Variants in DENND4C observed in about 807,000 individuals in gnomAD.
The protein encoded by DENND4C is DENN domain containing 4C, also known as DENN domain-containing protein 4C.
A neutral mutation model predicts 203.0 loss-of-function variants in DENND4C; 108 were observed. The ratio of observed to expected loss-of-function variants is 0.53; its 90% CI spans 0.46 to 0.62. The LOEUF is 0.62. Ranked by LOEUF, DENND4C falls within the 20% of genes least tolerant of loss-of-function variation. The pLI, the probability that DENND4C is intolerant of heterozygous loss-of-function variation, is 0.00. For synonymous variants in DENND4C, 871 were observed against 792.4 expected (o/e 1.10, Z -1.67); for missense variants, 2,481 against 2,301.2 (o/e 1.08, Z -1.60).
Position 19,286,895 on chromosome 9 carries a change from A to G in DENND4C, c.432A>G (p.Arg144=), listed in dbSNP as rs1277142628. The change falls in exon 3 of 33, where the codon CGA becomes CGG. Residue 144 remains arginine (R), a synonymous_variant. Coordinates refer to ENST00000434457, the MANE Select transcript of DENND4C (RefSeq NM_001330640.2). ...CACAAAGAATCTTTATCACTTATCG[A>G]AGGGCTCCTCCAGTTCGACCCCAGA... ...TTSQRIFITY[R]RAPPVRPQNS... is the part of the protein sequence containing the mutation. 8.1e-7 allele frequency: 1 copy of G among 1,231,984 alleles called. No individual in the cohort carries two copies. The highest frequency in any genetic ancestry group is 1.6e-5 in the African/African-American group (1 of 64,392). The allele number at this position is 1,231,984 out of a possible 1,614,324, so 76.3% of individuals were successfully genotyped here. A position where few individuals can be genotyped will look rare whatever the true frequency, so the allele number is the denominator to read the frequency against.
At chr9:19,262,076 C>CTTTTTTTTTTTTTTTTTT (rs60223074) in intron 1 of DENND4C, among the ~76,000 whole-genome samples, 2 of 55,526 alleles carry the variant, frequency 3.6e-5, no homozygotes, top group Non-Finnish European at 6.9e-5. Flanking sequence ...TTTATTAGTT[C>CTTTTTTTTTTTTTTTTTT]TTTTTTTTTT....
chr9:19,298,056 G>A lies in DENND4C; in HGVS notation c.1041G>A (p.Lys347=). The change falls in exon 7 of 33, where the codon AAG becomes AAA. Residue 347 remains lysine, a splice_region_variant and synonymous_variant. Transcript: ENST00000434457. ...VSGPHPLPIE[K]HISHFMQNIP... is the part of the protein sequence containing the mutation. ...ATTTATTTCAAATTTTTTTTTCTAGGCACATTTCACATTTTATGCAAAACA... is the reference window on the plus strand; with the variant it reads ...ATTTATTTCAAATTTTTTTTTCTAGACACATTTCACATTTTATGCAAAACA... The A allele has an allele frequency of 1.2e-6, 2 of 1,603,592 alleles. No homozygotes were observed. The highest frequency in any genetic ancestry group is 2.3e-5 in the South Asian group (2 of 88,038).
In DENND4C at chr9:19,350,681, AT is replaced by A. The variant is rs759780370; in HGVS notation, c.4318-10del. 7,562 of 1,251,980 alleles carry A rather than the reference AT, an allele frequency of 6.0e-3. 3 individuals are homozygous for A. The highest frequency in any genetic ancestry group is 0.014 in the African/African-American group (905 of 65,566). The allele number at this position is 1,251,980 out of a possible 1,614,324, so 77.6% of individuals were successfully genotyped here. ...AGAAGGTATTATTTATGTATGTGGA[AT>A]TTTTTTTTTTCAATTAAAGGAAGAA... On this transcript the variant is annotated intron_variant, in intron 23 of 32. Transcript: ENST00000434457.
chr9:19,324,314 C>A, intron 12 of DENND4C, 48 bp from the exon 13 acceptor site: 1 of 1,426,712 alleles, frequency 7.0e-7, no homozygotes, highest in Middle Eastern at 2.0e-4. Flanking sequence ...CCTATAATAT[C>A]GAATTCCAGT....
chr9:19,289,261 G>A (rs1159837427), intron 4 of DENND4C, among the ~76,000 whole-genome samples: 5 of 152,084 alleles, frequency 3.3e-5, no homozygotes, highest in African/African-American at 1.2e-4. Flanking sequence ...TCATTCCACT[G>A]GTATGGTGGG....
chr9:19,303,074 A>C (rs1838925725), intron 9 of DENND4C, among the ~76,000 whole-genome samples: 1 of 151,898 alleles, frequency 6.6e-6, no homozygotes, highest in Non-Finnish European at 1.5e-5. Context: ...GCTTGGAAAG[A>C]AGTGCTTTGG....
intron 10 of DENND4C, among the ~76,000 whole-genome samples, chr9:19,314,181 G>A (rs1238736253): frequency 1.3e-5 from 2 of 152,128 alleles, no homozygotes; most frequent in African/African-American, 2.4e-5. Flanking sequence ...GAGGCCAGGC[G>A]CAGTGGCTCA....
intron 1 of DENND4C, among the ~76,000 whole-genome samples, chr9:19,246,913 A>G (rs1825416854): frequency 6.6e-6 from 1 of 152,202 alleles, no homozygotes; most frequent in African/African-American, 2.4e-5. Flanking sequence ...TCTCATTTAT[A>G]GCAAAATTTG....
intron 24 of DENND4C, 49 bp downstream of exon 24, chr9:19,350,928 C>CTTT: frequency 8.1e-7 from 1 of 1,236,144 alleles, no homozygotes; most frequent in Non-Finnish European, 1.1e-6. Flanking sequence ...ATAGTTTTTG[C>CTTT]TTTTTTTTTT....
In DENND4C at chr9:19,358,345, TCCC is replaced by T. The variant is rs1007710109; in HGVS notation, c.5160+188_5160+190del. On this transcript the variant is annotated intron_variant, in intron 28 of 32. Coordinates refer to ENST00000434457, the MANE Select transcript of DENND4C (RefSeq NM_001330640.2). This position sits in a 1 kb window ranked among gnomAD's most constrained non-coding sequence, Gnocchi z 4.8. ...GTACAAAAAGAAACAGTATAATGAG[TCCC>T]CCATCATCTAGCTTCAGTTATTTTC... Among the ~76,000 whole-genome samples, 1 of 152,140 alleles carries T rather than the reference TCCC, an allele frequency of 6.6e-6. No individual in the cohort carries two copies. The highest frequency in any genetic ancestry group is 2.4e-5 in the African/African-American group (1 of 41,422).
chr9:19,252,376 A>G (rs2131620932), intron 1 of DENND4C, among the ~76,000 whole-genome samples: 1 of 152,246 alleles, frequency 6.6e-6, no homozygotes, highest in Middle Eastern at 3.4e-3. Flanking sequence ...ACAATTCAAG[A>G]TAAGATTTGG....
chr9:19,366,367 C>T (rs183923069), intron 30 of DENND4C, among the ~76,000 whole-genome samples: 71 of 152,142 alleles, frequency 4.7e-4, no homozygotes, highest in Middle Eastern at 3.4e-3. Flanking sequence ...TTTGGGAGGC[C>T]GAGGCGGGCG....
At chr9:19,354,339 C>T (rs1230584726) in intron 26 of DENND4C, among the ~76,000 whole-genome samples, 2 of 152,038 alleles carry the variant, frequency 1.3e-5, no homozygotes, top group African/African-American at 2.4e-5. Context: ...AACGATAATC[C>T]TTGGAGTAAG....
chr9:19,314,168 C>G (rs1841303074), intron 10 of DENND4C, among the ~76,000 whole-genome samples: 1 of 151,960 alleles, frequency 6.6e-6, no homozygotes, highest in African/African-American at 2.4e-5. Flanking sequence ...AAAGACTACA[C>G]ATGAGGCCAG....
chr9:19,318,824 C>T (rs901699578), intron 12 of DENND4C, among the ~76,000 whole-genome samples: 5 of 152,142 alleles, frequency 3.3e-5, no homozygotes, highest in Admixed American at 6.5e-5. Flanking sequence ...TCTTTAAAGA[C>T]CCTGTCTCCA....
At chr9:19,316,308 T>C (rs750664383) in intron 10 of DENND4C, 109 bp from the exon 11 acceptor site, 13 of 765,050 alleles carry the variant, frequency 1.7e-5, no homozygotes, top group Non-Finnish European at 2.6e-5. Context: ...GTTAAGACTG[T>C]AGTAAAAACA....
Position 19,276,466 on chromosome 9 carries a change from C to A in DENND4C, c.292C>A (p.Leu98Ile). 8.1e-7 allele frequency: 1 copy of A among 1,232,018 alleles called. No homozygotes were observed. Among genetic ancestry groups the A allele is most frequent in the Non-Finnish European group, 1.0e-6 (1 of 987,892 alleles). 76.3% of individuals were successfully genotyped at this position (1,232,018 alleles called of 1,614,324 possible). A position where few individuals can be genotyped will look rare whatever the true frequency, so the allele number is the denominator to read the frequency against. Residue 98 changes from leucine to isoleucine, a missense_variant, in exon 2 of 33, where the codon CTT (leucine) becomes ATT (isoleucine). Physicochemically the swap from Leu to Ile is conservative, Grantham distance 5 (BLOSUM62 2). Around this residue, in one of 3 missense-constraint regions of DENND4C, gnomAD observed 187 missense variants for 167.4 expected, o/e 1.12. Transcript: ENST00000434457. ...TAAGAGAGGGAGAGATAAACCACCG[C>A]TTACAGATATTGGGTATGGTGACTT... ...CYKRGRDKPP[L>I]TDIGVLYEGK...
intron 1 of DENND4C, among the ~76,000 whole-genome samples, chr9:19,242,122 C>G (rs181383594): frequency 1.2e-4 from 18 of 152,254 alleles, no homozygotes; most frequent in South Asian, 2.1e-4. Flanking sequence ...CTGTTTTGTA[C>G]TATTTCTATA....
At chr9:19,352,294 T>G in intron 25 of DENND4C, 112 bp downstream of exon 25, 1 of 1,134,006 alleles carries the variant, frequency 8.8e-7, no homozygotes, top group Non-Finnish European at 1.2e-6. Context: ...ATAAAATAAG[T>G]CATTTTGTTG....
Sources: gnomAD v4.1 joint callset for allele counts (sites outside exome capture counted in the v4.1 genomes callset) on GRCh38, gnomAD v4.1.1 for gene constraint, gnomAD v4.1.1 regional missense constraint, Gnocchi (gnomAD v3.1) non-coding constraint, MANE v1.5 for transcripts, NCBI Gene and HGNC (gene_info 2026-07-23, HGNC 2026-07-21) for gene names.